Variants in CFAP69 observed in about 807,000 individuals in gnomAD.
The protein encoded by CFAP69 is cilia and flagella associated protein 69.
In CFAP69, 92 loss-of-function variants were observed where a neutral mutation model predicts 123.0. The observed-to-expected ratio is 0.75, with a 90% CI of 0.63 to 0.89. The LOEUF is 0.89. CFAP69 is among the 40% of genes least tolerant of loss of function. The pLI is 0.00. For synonymous variants in CFAP69, 380 were observed against 364.3 expected (o/e 1.04, Z -0.49); for missense variants, 1,067 against 1,096.9 (o/e 0.97, Z 0.39).
chr7:90,275,432 C>T (rs1024070021), intron 9 of CFAP69, among the ~76,000 whole-genome samples: 1 of 152,018 alleles, frequency 6.6e-6, no homozygotes, highest in African/African-American at 2.4e-5. Context: ...AGCATTCTCT[C>T]TCTCTGGCTC....
At position 90,277,084 on chromosome 7, in the gene CFAP69, T is replaced by C; in HGVS notation, c.996T>C (p.Phe332=). The C allele has an allele frequency of 6.4e-7, 1 of 1,568,546 alleles. No homozygotes were observed. The highest frequency in any genetic ancestry group is 8.6e-7 in the Non-Finnish European group (1 of 1,156,706). ...NPEAPMIECG[F]TKDLILFATF... Reference sequence around the variant, plus strand: ...TGTATTTATATTAGGAATGTGGCTTTACCAAGGATTTGATACTGTTTGCCA... The same window carrying C: ...TGTATTTATATTAGGAATGTGGCTTCACCAAGGATTTGATACTGTTTGCCA... The change falls in exon 10 of 23, where the codon TTT becomes TTC. Residue 332 remains phenylalanine (F), a synonymous_variant. Coordinates refer to ENST00000389297, the MANE Select transcript of CFAP69 (RefSeq NM_001039706.3).
At chr7:90,253,901 A>T (rs1163011327) in intron 1 of CFAP69, among the ~76,000 whole-genome samples, 1 of 152,172 alleles carries the variant, frequency 6.6e-6, no homozygotes, top group Non-Finnish European at 1.5e-5. Flanking sequence ...TACCCAAAAA[A>T]ACCTGTGCCC....
chr7:90,304,838 A>G lies in CFAP69; in HGVS notation c.2265+18A>G. ...ATTTTAAAGTAAGTATCTTTTTAAT[A>G]ACCTGATTATTAAAATCTAGATAGC... On this transcript the variant is annotated intron_variant, in intron 19 of 22. Coordinates refer to ENST00000389297, the MANE Select transcript of CFAP69 (RefSeq NM_001039706.3). 7.3e-7 allele frequency: 1 copy of G among 1,363,684 alleles called. No individual in the cohort carries two copies. The highest frequency in any genetic ancestry group is 2.3e-5 in the East Asian group (1 of 43,488). 84.5% of individuals were successfully genotyped at this position (1,363,684 alleles called of 1,614,324 possible). A position where few individuals can be genotyped will look rare whatever the true frequency, so the allele number is the denominator to read the frequency against.
intron 20 of CFAP69, 49 bp downstream of exon 20, chr7:90,307,147 T>C (rs775558285): frequency 7.2e-7 from 1 of 1,387,624 alleles, no homozygotes; most frequent in Non-Finnish European, 1.0e-6. Context: ...GGTTGGTTAA[T>C]GGGCACAAAA....
intron 20 of CFAP69, 102 bp from the exon 21 acceptor site, chr7:90,307,666 G>C (rs1793796457): frequency 3.1e-6 from 2 of 637,664 alleles, no homozygotes; most frequent in African/African-American, 3.8e-5. Flanking sequence ...AGATACTTGA[G>C]ACATGCCACT....
Position 90,304,680 on chromosome 7 carries a change from TAGATA to T in CFAP69, c.2189-63_2189-59del. 3 of 1,291,514 alleles carry T rather than the reference TAGATA, an allele frequency of 2.3e-6. 1 individual carries two copies. Among genetic ancestry groups the T allele is most frequent in the Middle Eastern group, 4.2e-4 (2 of 4,774 alleles). 80.0% of individuals were successfully genotyped at this position (1,291,514 alleles called of 1,614,324 possible). A position where few individuals can be genotyped will look rare whatever the true frequency, so the allele number is the denominator to read the frequency against. On this transcript the variant is annotated intron_variant, in intron 18 of 22. Transcript: ENST00000389297. The stretch of plus-strand genomic sequence containing the variant: ...ATAGATAGATAGATAGATAGATAGA[TAGATA>T]GATTCTTAGAATCACTTGCTCTGCT...
chr7:90,276,080 A>G (rs1788561339), intron 9 of CFAP69: 1 of 152,192 alleles, frequency 6.6e-6, no homozygotes, highest in Non-Finnish European at 1.5e-5. Flanking sequence ...CACATATTTT[A>G]TAATTAAAAA....
intron 13 of CFAP69, among the ~76,000 whole-genome samples, chr7:90,284,748 T>C (rs1352635044): frequency 6.6e-6 from 1 of 152,302 alleles, no homozygotes; most frequent in Non-Finnish European, 1.5e-5. Flanking sequence ...GACATGGTCC[T>C]GAAATATGCA....
At chr7:90,265,787 A>C (rs1263213922) in intron 5 of CFAP69, among the ~76,000 whole-genome samples, 4 of 152,244 alleles carry the variant, frequency 2.6e-5, no homozygotes, top group Non-Finnish European at 5.9e-5. Flanking sequence ...ATTTTAAATC[A>C]AATCATAAAA....
chr7:90,273,933 G>T, intron 8 of CFAP69, 54 bp from the exon 9 acceptor site: 1 of 1,341,868 alleles, frequency 7.5e-7, no homozygotes. Flanking sequence ...TTGGAGGGAC[G>T]CAAACATTTA....
chr7:90,294,489 C>T (rs1046598652), intron 15 of CFAP69, among the ~76,000 whole-genome samples: 3 of 152,084 alleles, frequency 2.0e-5, no homozygotes, highest in Non-Finnish European at 2.9e-5. Flanking sequence ...TATGGAGACA[C>T]GCAGAAGATG....
chr7:90,315,908 C>G (rs923926076), downstream of CFAP69, among the ~76,000 whole-genome samples: 3 of 152,050 alleles, frequency 2.0e-5, no homozygotes, highest in Non-Finnish European at 4.4e-5. Context: ...GACTGGTGAA[C>G]CTGGTGAAAC....
At chr7:90,264,084 C>T in intron 4 of CFAP69, among the ~76,000 whole-genome samples, 1 of 82,374 alleles carries the variant, frequency 1.2e-5, no homozygotes. Context: ...GAGCAAGACT[C>T]CATCTCGAAA....
intron 16 of CFAP69, among the ~76,000 whole-genome samples, chr7:90,298,169 A>T (rs1792271906): frequency 6.6e-6 from 1 of 152,224 alleles, no homozygotes; most frequent in Admixed American, 6.5e-5. Flanking sequence ...ATTTATTAAT[A>T]ACTTCTAGTT....
chr7:90,320,260 G>A, the CFAP69 span: 3 of 152,200 alleles, frequency 2.0e-5, no homozygotes, highest in Admixed American at 6.5e-5. Context: ...CACAAACACC[G>A]TTTAAGTCTC....
intron 5 of CFAP69, among the ~76,000 whole-genome samples, chr7:90,267,506 C>A (rs1214921628): frequency 2.6e-5 from 4 of 152,158 alleles, no homozygotes; most frequent in Admixed American, 6.5e-5. Context: ...TATAGGACTT[C>A]AACAGAGTAG....
intron 21 of CFAP69, 39 bp downstream of exon 21, chr7:90,307,893 G>C (rs371534642): frequency 1.5e-6 from 2 of 1,338,034 alleles, no homozygotes; most frequent in Non-Finnish European, 2.1e-6. Flanking sequence ...ACAACAAATA[G>C]CCAACTCTTA....
chr7:90,278,655 T>G (rs888578781), intron 11 of CFAP69, among the ~76,000 whole-genome samples: 2 of 152,068 alleles, frequency 1.3e-5, no homozygotes, highest in Middle Eastern at 3.2e-3. Context: ...TAGCACAGAT[T>G]ATGGTGAGGA....
rs1794201878 is a variant in CFAP69 at position 90,310,341 on chromosome 7, A to G, written c.*103A>G. On this transcript the variant is annotated 3_prime_UTR_variant, in exon 23 of 23. Coordinates refer to ENST00000389297, the MANE Select transcript of CFAP69 (RefSeq NM_001039706.3). ...AATATTTTAGAATAAGTATTTTAGT[A>G]TAAATATTTTAGTAAAATACTATAA... 2 of 609,664 alleles carry G rather than the reference A, an allele frequency of 3.3e-6. No individual in the cohort carries two copies. The highest frequency in any genetic ancestry group is 4.8e-6 in the Non-Finnish European group (2 of 415,580). The allele number at this position is 609,664 out of a possible 1,614,324, so 37.8% of individuals were successfully genotyped here.
Sources: allele counts gnomAD v4.1 joint callset (sites outside exome capture counted in the v4.1 genomes callset), GRCh38; gene constraint gnomAD v4.1.1; transcripts MANE v1.5; gene names NCBI Gene and HGNC (gene_info 2026-07-23, HGNC 2026-07-21).